Variants in ARHGAP21 observed in about 807,000 individuals in gnomAD.
The protein encoded by ARHGAP21 is rho GTPase-activating protein 21.
A neutral mutation model predicts 164.6 loss-of-function variants in ARHGAP21; 38 were observed. That is an observed-to-expected ratio of 0.23 (90% confidence interval 0.18 to 0.30). The LOEUF is 0.30. Ranked by LOEUF, ARHGAP21 falls within the 10% of genes least tolerant of loss-of-function variation. The pLI is 1.00. For synonymous variants in ARHGAP21, 766 were observed against 857.9 expected (o/e 0.89, Z 1.87); for missense variants, 1,822 against 2,370.7 (o/e 0.77, Z 4.81).
intron 9 of ARHGAP21, 64 bp downstream of exon 9, chr10:24,619,409 A>G: frequency 6.8e-7 from 1 of 1,471,206 alleles, no homozygotes; most frequent in South Asian, 1.3e-5. Context: ...ACTAGAAATA[A>G]TACTTTTCTG....
At chr10:24,705,026 C>A (rs899796428) in intron 2 of ARHGAP21, among the ~76,000 whole-genome samples, 2 of 152,132 alleles carry the variant, frequency 1.3e-5, no homozygotes, top group Admixed American at 6.5e-5. Flanking sequence ...CTTTTGATAT[C>A]GCTGGCTTAC....
intron 4 of ARHGAP21, among the ~76,000 whole-genome samples, chr10:24,655,498 C>G (rs2131593604): frequency 6.6e-6 from 1 of 152,360 alleles, no homozygotes; most frequent in South Asian, 2.1e-4. Context: ...GACATTTATG[C>G]AGCCAACAGA....
At chr10:24,702,460 A>G (rs1463909145) in intron 2 of ARHGAP21, among the ~76,000 whole-genome samples, 1 of 152,120 alleles carries the variant, frequency 6.6e-6, no homozygotes, top group Non-Finnish European at 1.5e-5. Flanking sequence ...GTGGTATGGG[A>G]ATAACCAGTA....
intron 2 of ARHGAP21, among the ~76,000 whole-genome samples, chr10:24,704,803 T>C (rs1387684260): frequency 6.6e-6 from 1 of 151,894 alleles, no homozygotes. Flanking sequence ...ATAGGGTTTC[T>C]CCATGTTGGC....
chr10:24,674,916 T>C (rs1163212348), intron 2 of ARHGAP21, among the ~76,000 whole-genome samples: 1 of 152,188 alleles, frequency 6.6e-6, no homozygotes, highest in African/African-American at 2.4e-5. Context: ...ATAATAGATG[T>C]GCTATATAAA....
rs1267041241 is a variant in ARHGAP21, at chr10:24,585,633, C to A, written c.4656G>T (p.Thr1552=). 6.2e-7 allele frequency: 1 copy of A among 1,614,132 alleles called. No homozygotes were observed. Among genetic ancestry groups the A allele is most frequent in the East Asian group, 2.2e-5 (1 of 44,872 alleles). The change falls in exon 26 of 26, where the codon ACG becomes ACT. Residue 1552 remains threonine (T), a synonymous_variant. Coordinates refer to ENST00000396432, the MANE Select transcript of ARHGAP21 (RefSeq NM_020824.4). Reference sequence around the variant, plus strand: ...ACCTTGCCAGGGAGGCCTGGGAAGACGTGCTGAGCAAAGTGCCAGAGTCAG... The same window carrying A: ...ACCTTGCCAGGGAGGCCTGGGAAGAAGTGCTGAGCAAAGTGCCAGAGTCAG... The part of the protein sequence containing the change: ...TGSDSGTLLS[T]SSQASLARFS...
chr10:24,607,844 T>C lies in ARHGAP21; in HGVS notation c.2482A>G (p.Ile828Val). The C allele has an allele frequency of 5.6e-6, 9 of 1,614,090 alleles. No individual in the cohort carries two copies. Among genetic ancestry groups the C allele is most frequent in the Non-Finnish European group, 7.6e-6 (9 of 1,179,986 alleles). The change falls in exon 10 of 26, where the codon ATA becomes GTA. Residue 828 changes from isoleucine (I) to valine (V), a missense_variant. Ile to Val is a conservative substitution (Grantham distance 29). This residue lies in a region of ARHGAP21 where 1,090 missense variants were observed against 1,378.9 expected (regional missense o/e 0.79). Coordinates refer to ENST00000396432, the MANE Select transcript of ARHGAP21 (RefSeq NM_020824.4). ...GGGACCTGAGAGGTAGAGGCTGATA[T>C]AACAGCAGAGGCAGGGATATGTGCA... ...DIAHIPASAV[I>V]SASTSQVPSI... is the part of the protein sequence containing the mutation.
At chr10:24,685,964 T>C (rs1842171724) in intron 2 of ARHGAP21, among the ~76,000 whole-genome samples, 1 of 152,180 alleles carries the variant, frequency 6.6e-6, no homozygotes, top group Non-Finnish European at 1.5e-5. Flanking sequence ...TGAAATCAAA[T>C]GGGAATTCAC....
intron 2 of ARHGAP21, among the ~76,000 whole-genome samples, chr10:24,698,573 T>C (rs1843376132): frequency 6.6e-6 from 1 of 152,178 alleles, no homozygotes; most frequent in South Asian, 2.1e-4. Flanking sequence ...TTCTTCCTTT[T>C]CCTTCAGAGA....
At chr10:24,596,665 C>G (rs760729603) in intron 17 of ARHGAP21, 75 bp downstream of exon 17, 1 of 1,591,346 alleles carries the variant, frequency 6.3e-7, no homozygotes, top group Non-Finnish European at 8.6e-7. Context: ...GTCTGAAAGG[C>G]TATATACTCA....
At chr10:24,590,060 C>A (rs898752291) in intron 24 of ARHGAP21, 1 of 557,080 alleles carries the variant, frequency 1.8e-6, no homozygotes, top group African/African-American at 2.0e-5. Context: ...AAGGGGCTAG[C>A]AATATTCAGG....
chr10:24,658,536 C>T (rs568635734), intron 4 of ARHGAP21, among the ~76,000 whole-genome samples: 3 of 152,166 alleles, frequency 2.0e-5, no homozygotes, highest in African/African-American at 4.8e-5. Context: ...GTAGAGACGT[C>T]GATGAAGCTA....
chr10:24,589,413 C>G, intron 24 of ARHGAP21, 111 bp from the exon 25 acceptor site: 1 of 973,166 alleles, frequency 1.0e-6, no homozygotes, highest in Non-Finnish European at 1.5e-6. Flanking sequence ...GAAAGCAAAA[C>G]TCAAAACAAT....
chr10:24,639,568 TA>T (rs1836774945), intron 4 of ARHGAP21, among the ~76,000 whole-genome samples: 1 of 152,156 alleles, frequency 6.6e-6, no homozygotes, highest in Non-Finnish European at 1.5e-5. Context: ...GAGCAATAAA[TA>T]CTGGTTGAAA....
At chr10:24,642,702 C>A (rs1049653967) in intron 4 of ARHGAP21, among the ~76,000 whole-genome samples, 1 of 152,034 alleles carries the variant, frequency 6.6e-6, no homozygotes, top group Non-Finnish European at 1.5e-5. Context: ...GCCCCAAAGG[C>A]TATGAAATAA....
chr10:24,649,997 T>C (rs911736640), intron 4 of ARHGAP21, among the ~76,000 whole-genome samples: 2 of 151,852 alleles, frequency 1.3e-5, no homozygotes, highest in Non-Finnish European at 2.9e-5. Context: ...GAACATATAT[T>C]GGAAGAAATT....
At chr10:24,662,489 G>T (rs574991878) in intron 4 of ARHGAP21, among the ~76,000 whole-genome samples, 7 of 152,240 alleles carry the variant, frequency 4.6e-5, no homozygotes, top group African/African-American at 1.7e-4. Context: ...TTAGAGTGAG[G>T]ATTAAAGACG....
chr10:24,647,535 G>A (rs1341800438), intron 4 of ARHGAP21, among the ~76,000 whole-genome samples: 1 of 152,176 alleles, frequency 6.6e-6, no homozygotes, highest in Non-Finnish European at 1.5e-5. Flanking sequence ...AACAGCAGAG[G>A]TTAGATACTA....
intron 6 of ARHGAP21, among the ~76,000 whole-genome samples, chr10:24,630,971 T>C (rs916341163): frequency 6.6e-6 from 1 of 152,244 alleles, no homozygotes; most frequent in Admixed American, 6.5e-5. Context: ...GCTCAAAGTC[T>C]AATTTTATTT....
Sources: gnomAD v4.1 joint callset for allele counts (sites outside exome capture counted in the v4.1 genomes callset) on GRCh38, gnomAD v4.1.1 for gene constraint, gnomAD v4.1.1 regional missense constraint, MANE v1.5 for transcripts, NCBI Gene and HGNC (gene_info 2026-07-23, HGNC 2026-07-21) for gene names.